ZNF469: variants seen among roughly 807,000 people sequenced by gnomAD.
ZNF469 encodes the protein zinc finger protein 469.
Under a neutral mutation model 1.0 loss-of-function variants are expected in ZNF469, and 1 was observed. The ratio of observed to expected loss-of-function variants is 1.00; its 90% confidence interval spans 0.35 to 4.73. The LOEUF (loss-of-function observed/expected upper bound fraction) is 4.73. ZNF469 is among the 30% of genes most tolerant of loss of function. ZNF469 has a pLI of 0.16. For missense variants in ZNF469, 6,100 were observed against 5,356.3 expected, an observed-to-expected ratio of 1.14 and a Z score of -4.33; for synonymous variants, 2,703 against 2,363.4, an observed-to-expected ratio of 1.14 and a Z score of -4.17.
At chr16:88,119,819 T>C in the ZNF469 span, among the ~76,000 whole-genome samples, 2 of 152,114 alleles carry the variant, frequency 1.3e-5, no homozygotes, top group East Asian at 3.9e-4. Context: ...TGGGAGCGTG[T>C]CGTAGGGAGT....
chr16:88,155,153 G>A, the ZNF469 span, among the ~76,000 whole-genome samples: 1,027 of 152,306 alleles, frequency 6.7e-3, 6 homozygotes, highest in African/African-American at 0.024. Context: ...CAGAGCTGGG[G>A]ACACAGACAC....
At chr16:88,360,313 C>A in the ZNF469 span, among the ~76,000 whole-genome samples, 26 of 152,338 alleles carry the variant, frequency 1.7e-4, no homozygotes, top group South Asian at 4.1e-4. Flanking sequence ...AGCCACCGTG[C>A]CTGGCCTTGA....
the ZNF469 span, among the ~76,000 whole-genome samples, chr16:88,123,247 T>C: frequency 6.6e-6 from 1 of 152,162 alleles, no homozygotes; most frequent in Non-Finnish European, 1.5e-5. Flanking sequence ...TTCGTGTCCA[T>C]GGAGTCGGGC....
chr16:88,285,842 T>A, the ZNF469 span, among the ~76,000 whole-genome samples: 3 of 152,208 alleles, frequency 2.0e-5, no homozygotes. Context: ...GGCAAATGCT[T>A]TCCATGTGGG....
the ZNF469 span, among the ~76,000 whole-genome samples, chr16:88,286,235 C>T: frequency 6.6e-6 from 1 of 152,254 alleles, no homozygotes; most frequent in African/African-American, 2.4e-5. Flanking sequence ...ACTCCGTTCA[C>T]CACAGAGTCC....
At chr16:88,199,310 G>C in the ZNF469 span, among the ~76,000 whole-genome samples, 1 of 152,236 alleles carries the variant, frequency 6.6e-6, no homozygotes, top group African/African-American at 2.4e-5. Context: ...GCTCATCAGA[G>C]AGGTGACTTT....
the ZNF469 span, among the ~76,000 whole-genome samples, chr16:88,322,199 A>G: frequency 4.6e-3 from 703 of 152,314 alleles, 6 homozygotes; most frequent in African/African-American, 0.016. Context: ...CTCAGAGCCC[A>G]GCGTGTCAGA....
Position 88,438,577 on chromosome 16 carries a change from G to T in ZNF469, c.11107G>T (p.Val3703Leu), listed in dbSNP as rs151127652. The change falls in exon 3 of 3, where the codon GTG becomes TTG. Residue 3703 changes from valine to leucine, a missense_variant. By Grantham distance (32) the Val-to-Leu change is conservative. Transcript: ENST00000565624. ...LKFPVHPRKA[V>L]GSLAPGELAR... ...GTTCCCAGTGCACCCAAGGAAGGCG[G>T]TGGGGAGCCTGGCACCCGGGGAGCT... is the stretch of plus-strand genomic sequence containing the variant. 1.3e-6 allele frequency: 2 copies of T among 1,550,038 alleles called. No homozygotes were observed. The highest frequency in any genetic ancestry group is 1.4e-5 in the African/African-American group (1 of 73,050).
chr16:88,328,957 G>A, the ZNF469 span, among the ~76,000 whole-genome samples: 3 of 152,264 alleles, frequency 2.0e-5, no homozygotes, highest in African/African-American at 4.8e-5. Flanking sequence ...GAAGGGTCAG[G>A]GCCCTAAATG....
At chr16:88,151,629 T>C in the ZNF469 span, among the ~76,000 whole-genome samples, 2 of 152,334 alleles carry the variant, frequency 1.3e-5, no homozygotes, top group East Asian at 3.9e-4. The surrounding 1 kb of genome is among the most constrained non-coding windows in gnomAD (Gnocchi z 5.4). Flanking sequence ...TGTGGATTGG[T>C]AGGCACCATT....
In ZNF469 at chr16:88,433,234, T is replaced by G. The variant is rs1906326885; in HGVS notation, c.5764T>G (p.Leu1922Val). Reference protein sequence around the residue: ...VAKSKDGILGLQELTPAAQSP... With the variant: ...VAKSKDGILGVQELTPAAQSP... ...TAAGAGTAAAGATGGCATCCTGGGC[T>G]TGCAGGAGCTGACACCTGCTGCCCA... is the stretch of plus-strand genomic sequence containing the variant. Residue 1922 changes from leucine (L) to valine (V), a missense_variant, in exon 3 of 3, where the codon TTG becomes GTG. Coordinates refer to ENST00000565624, the MANE Select transcript of ZNF469 (RefSeq NM_001367624.2). 1.3e-6 allele frequency: 2 copies of G among 1,549,994 alleles called. No homozygotes were observed. The highest frequency in any genetic ancestry group is 2.7e-5 in the African/African-American group (2 of 72,954).
chr16:88,234,545 C>T, the ZNF469 span, among the ~76,000 whole-genome samples: 11 of 152,332 alleles, frequency 7.2e-5, no homozygotes, highest in East Asian at 1.2e-3. Flanking sequence ...CCTCGCAGCG[C>T]GGACCAGGGC....
the ZNF469 span, among the ~76,000 whole-genome samples, chr16:88,267,413 A>G: frequency 1.3e-5 from 2 of 152,206 alleles, no homozygotes; most frequent in Non-Finnish European, 2.9e-5. Flanking sequence ...ACACCCCTGG[A>G]CACAGAAGTG....
At chr16:88,402,062 G>A (rs1256749415) in intron 1 of ZNF469, among the ~76,000 whole-genome samples, 1 of 148,618 alleles carries the variant, frequency 6.7e-6, no homozygotes, top group African/African-American at 2.6e-5. Context: ...ATGGATGGAT[G>A]GATGGATGGA....
At chr16:88,244,413 AT>A in the ZNF469 span, among the ~76,000 whole-genome samples, 1 of 145,858 alleles carries the variant, frequency 6.9e-6, no homozygotes, top group Non-Finnish European at 1.5e-5. Context: ...GGATGGATGG[AT>A]GGATGGATGG....
chr16:88,352,793 G>T, the ZNF469 span, among the ~76,000 whole-genome samples: 2 of 152,190 alleles, frequency 1.3e-5, no homozygotes, highest in Non-Finnish European at 2.9e-5. Context: ...GGAGATGTGG[G>T]CATATGGCTG....
chr16:88,175,092 G>A, the ZNF469 span, among the ~76,000 whole-genome samples: 1 of 152,136 alleles, frequency 6.6e-6, no homozygotes, highest in Non-Finnish European at 1.5e-5. Flanking sequence ...GGCTTACTGA[G>A]CTTTTAAGAT....
At chr16:88,222,939 C>T in the ZNF469 span, among the ~76,000 whole-genome samples, 1 of 152,232 alleles carries the variant, frequency 6.6e-6, no homozygotes, top group Non-Finnish European at 1.5e-5. Context: ...CTCCCTACAG[C>T]ACCCAGCACC....
the ZNF469 span, chr16:88,191,361 G>A: frequency 1.3e-5 from 2 of 152,260 alleles, no homozygotes; most frequent in African/African-American, 4.8e-5. Flanking sequence ...CTGCAGTTGG[G>A]TGGGTGCTGG....
Sources: gnomAD v4.1 joint callset for allele counts (sites outside exome capture counted in the v4.1 genomes callset) on GRCh38, gnomAD v4.1.1 for gene constraint, Gnocchi (gnomAD v3.1) non-coding constraint, MANE v1.5 for transcripts, NCBI Gene and HGNC (gene_info 2026-07-23, HGNC 2026-07-21) for gene names.